XRN2: variants seen among roughly 807,000 people sequenced by gnomAD.
The protein encoded by XRN2 is 5'-3' exoribonuclease 2, also known as DHM1-like protein.
A neutral mutation model predicts 138.5 loss-of-function variants in XRN2; 44 were observed. The ratio of observed to expected loss-of-function variants is 0.32; its 90% confidence interval spans 0.25 to 0.41. The LOEUF (loss-of-function observed/expected upper bound fraction) is 0.41, where lower values mean the gene tolerates loss of function less well. Ranked by LOEUF, XRN2 falls within the 10% of genes least tolerant of loss-of-function variation. The pLI is 1.00. For missense variants in XRN2, 937 were observed against 1,169.3 expected, an observed-to-expected ratio of 0.80 and a Z score of 2.90; for synonymous variants, 354 against 369.4, an observed-to-expected ratio of 0.96 and a Z score of 0.48.
intron 24 of XRN2, among the ~76,000 whole-genome samples, chr20:21,361,220 G>A (rs959376241): frequency 2.6e-5 from 4 of 152,160 alleles, no homozygotes; most frequent in Non-Finnish European, 2.9e-5. Flanking sequence ...ATAAATAAAA[G>A]CACTGTTCAG....
intron 4 of XRN2, among the ~76,000 whole-genome samples, chr20:21,329,189 T>G (rs938765826): frequency 1.3e-5 from 2 of 152,218 alleles, no homozygotes; most frequent in African/African-American, 4.8e-5. Context: ...GCAGGCACAG[T>G]ACTTATGGTT....
chr20:21,356,294 A>G (rs569326072), intron 22 of XRN2, 117 bp downstream of exon 22: 3 of 780,960 alleles, frequency 3.8e-6, no homozygotes, highest in Non-Finnish European at 6.0e-6. Context: ...GGCATTAAGT[A>G]TATTTCCAGT....
intron 20 of XRN2, among the ~76,000 whole-genome samples, chr20:21,350,737 G>C (rs1175657633): frequency 6.6e-6 from 1 of 151,796 alleles, no homozygotes; most frequent in Non-Finnish European, 1.5e-5. Flanking sequence ...GACTTACGGA[G>C]AATCTTGAGA....
chr20:21,329,060 G>T (rs1278238913), intron 4 of XRN2, among the ~76,000 whole-genome samples: 1 of 152,148 alleles, frequency 6.6e-6, no homozygotes, highest in South Asian at 2.1e-4. Context: ...CCTCAAATCA[G>T]CTTTGGTTTG....
intron 1 of XRN2, among the ~76,000 whole-genome samples, chr20:21,320,655 C>T (rs542158125): frequency 2.6e-4 from 39 of 151,798 alleles, no homozygotes; most frequent in African/African-American, 8.9e-4. Flanking sequence ...AGTGCAGTGG[C>T]GTGATCTTGG....
intron 1 of XRN2, among the ~76,000 whole-genome samples, chr20:21,323,217 G>T (rs1465604143): frequency 1.3e-4 from 20 of 152,160 alleles, no homozygotes; most frequent in Non-Finnish European, 1.5e-5. Context: ...AGGGCTATTG[G>T]TTGCCCATAT....
intron 8 of XRN2, 34 bp downstream of exon 8, chr20:21,331,852 A>G: frequency 1.9e-6 from 3 of 1,606,394 alleles, no homozygotes; most frequent in Non-Finnish European, 2.5e-6. Flanking sequence ...CTTCTTTTGG[A>G]TTAAACCATA....
In XRN2 at chr20:21,331,585, C is replaced by G. The variant is rs2038210048; in HGVS notation, c.601C>G (p.Pro201Ala). 12 of 1,611,910 alleles carry G rather than the reference C, an allele frequency of 7.4e-6. No individual in the cohort carries two copies. The highest frequency in any genetic ancestry group is 1.0e-5 in the Non-Finnish European group (12 of 1,179,592). ...GGTTATTTTATCTGATGCTAGTGCTCCTGGTGAAGGAGAACATAAAATCAT... is the reference window on the plus strand; with the variant it reads ...GGTTATTTTATCTGATGCTAGTGCTGCTGGTGAAGGAGAACATAAAATCAT... ...LTVILSDASA[P>A]GEGEHKIMDY... The change falls in exon 7 of 30, where the codon CCT (proline) becomes GCT (alanine). Residue 201 changes from proline to alanine, a missense_variant. Pro to Ala is a conservative substitution (Grantham distance 27). Coordinates refer to ENST00000377191, the MANE Select transcript of XRN2 (RefSeq NM_012255.5).
intron 1 of XRN2, among the ~76,000 whole-genome samples, chr20:21,306,279 G>A (rs1254132491): frequency 1.4e-5 from 1 of 72,670 alleles, no homozygotes; most frequent in African/African-American, 3.8e-5. Flanking sequence ...TGGGACTACA[G>A]GCGCGCCACC....
chr20:21,369,876 T>C (rs1015439088), intron 27 of XRN2, among the ~76,000 whole-genome samples: 6 of 152,194 alleles, frequency 3.9e-5, no homozygotes, highest in Non-Finnish European at 7.3e-5. Flanking sequence ...TAACTTGATG[T>C]GATTACATTT....
chr20:21,303,764 G>A, intron 1 of XRN2: 1 of 1,180,436 alleles, frequency 8.5e-7, no homozygotes, highest in African/African-American at 1.6e-5. Flanking sequence ...GGAAGGCCCC[G>A]CCCACTGCTT....
At chr20:21,344,790 T>C (rs1050734637) in intron 16 of XRN2, among the ~76,000 whole-genome samples, 15 of 152,218 alleles carry the variant, frequency 9.9e-5, no homozygotes, top group African/African-American at 3.6e-4. Flanking sequence ...GATTCTTTAA[T>C]TCATCCTGAA....
chr20:21,353,244 ATATATATATATATATATATATC>A (rs1458925400), intron 20 of XRN2, among the ~76,000 whole-genome samples: 1,211 of 18,622 alleles, frequency 0.065, 15 homozygotes, highest in South Asian at 0.13. Context: ...ATATATATAT[ATATATATATATATATATATATC>A]TCTTAAATGT....
intron 3 of XRN2, among the ~76,000 whole-genome samples, chr20:21,327,275 T>C (rs1450035461): frequency 6.6e-6 from 1 of 152,242 alleles, no homozygotes; most frequent in African/African-American, 2.4e-5. Flanking sequence ...AGTAAGTTAC[T>C]GACCTATGAT....
intron 20 of XRN2, among the ~76,000 whole-genome samples, chr20:21,350,967 G>A (rs1382521864): frequency 6.6e-6 from 1 of 152,158 alleles, no homozygotes; most frequent in East Asian, 1.9e-4. Context: ...TGTGGAGGAT[G>A]TCTTGATTAA....
chr20:21,333,177 G>A (rs962116711), intron 9 of XRN2, among the ~76,000 whole-genome samples: 1 of 152,182 alleles, frequency 6.6e-6, no homozygotes, highest in Non-Finnish European at 1.5e-5. Flanking sequence ...GTTGGGTATA[G>A]GTCATCAGTT....
At chr20:21,379,347 G>A (rs1226422364) in intron 27 of XRN2, among the ~76,000 whole-genome samples, 1 of 152,108 alleles carries the variant, frequency 6.6e-6, no homozygotes, top group African/African-American at 2.4e-5. Context: ...GATCAGCCAG[G>A]AAATACTTCT....
intron 1 of XRN2, among the ~76,000 whole-genome samples, chr20:21,319,185 A>AT (rs1253001024): frequency 1.3e-5 from 2 of 152,020 alleles, no homozygotes; most frequent in African/African-American, 4.8e-5. Context: ...GTTTTATCTG[A>AT]TATCAGTATA....
At chr20:21,363,757 T>C (rs2038663589) in intron 24 of XRN2, among the ~76,000 whole-genome samples, 2 of 152,234 alleles carry the variant, frequency 1.3e-5, no homozygotes, top group African/African-American at 4.8e-5. Flanking sequence ...ATAAAACTTT[T>C]TTTAAAAACC....
Sources: allele counts gnomAD v4.1 joint callset (sites outside exome capture counted in the v4.1 genomes callset), GRCh38; gene constraint gnomAD v4.1.1; transcripts MANE v1.5; gene names NCBI Gene and HGNC (gene_info 2026-07-23, HGNC 2026-07-21).